The following SIRPG variants were observed in gnomAD, a reference collection of about 807,000 sequenced individuals.
SIRPG encodes signal-regulatory protein gamma.
A neutral mutation model predicts 35.7 loss-of-function variants in SIRPG; 38 were observed. The ratio of observed to expected loss-of-function variants is 1.06; its 90% confidence interval spans 0.82 to 1.40. The LOEUF (loss-of-function observed/expected upper bound fraction) is 1.40. Among genes scored for constraint, SIRPG ranks in the 40% most tolerant of loss-of-function variants. The pLI is 0.00. For synonymous variants in SIRPG, 215 were observed against 190.4 expected (o/e 1.13, Z -1.06); for missense variants, 519 against 483.0 (o/e 1.07, Z -0.70).
upstream of SIRPG, among the ~76,000 whole-genome samples, chr20:1,658,934 AC>A (rs1239262953): frequency 2.6e-5 from 4 of 152,080 alleles, no homozygotes; most frequent in Non-Finnish European, 4.4e-5. Flanking sequence ...TCCTTGTTCA[AC>A]CATAGATTAA....
At chr20:1,656,886 T>C (rs73082612) in intron 1 of SIRPG, among the ~76,000 whole-genome samples, 5,909 of 152,256 alleles carry the variant, frequency 0.039, 139 homozygotes, top group Middle Eastern at 0.058. Flanking sequence ...AATTTTTTTT[T>C]AATTTGAAAA....
Position 1,647,669 on chromosome 20 carries a change from A to C in SIRPG, c.430+1383T>G, listed in dbSNP as rs192795155. On this transcript the variant is annotated intron_variant, in intron 2 of 5. Coordinates refer to ENST00000303415, the MANE Select transcript of SIRPG (RefSeq NM_018556.4). ...ATACCCATCAACAGAATGCTGTGAAATAAATTTTGATATTTCCATAAATTG... is the reference window on the plus strand; with the variant it reads ...ATACCCATCAACAGAATGCTGTGAACTAAATTTTGATATTTCCATAAATTG... 30 of 152,352 alleles carry C rather than the reference A, an allele frequency of 2.0e-4. No homozygotes were observed. The East Asian group carries it at 5.4e-3, about 27-fold the overall frequency. The allele number at this position is 152,352 out of a possible 1,614,324, so 9.4% of individuals were successfully genotyped here. A position where few individuals can be genotyped will look rare whatever the true frequency, so the allele number is the denominator to read the frequency against.
At chr20:1,684,505 T>C in the SIRPG span, among the ~76,000 whole-genome samples, 5,361 of 152,256 alleles carry the variant, frequency 0.035, 319 homozygotes, top group African/African-American at 0.12. Context: ...AATAAAATTA[T>C]GAAACCTGTT....
chr20:1,652,293 T>C (rs1419859024), intron 1 of SIRPG, among the ~76,000 whole-genome samples: 1 of 152,248 alleles, frequency 6.6e-6, no homozygotes, highest in Non-Finnish European at 1.5e-5. Flanking sequence ...AACCACTGGT[T>C]GTCTCACAGG....
chr20:1,670,351 T>TCTG, the SIRPG span: 1 of 170,762 alleles, frequency 5.9e-6, no homozygotes, highest in Non-Finnish European at 1.4e-5. Flanking sequence ...AGGACAGAGC[T>TCTG]AGGCATGCAT....
At chr20:1,660,256 A>C (rs1396907025), upstream of SIRPG, among the ~76,000 whole-genome samples, 3 of 152,204 alleles carry the variant, frequency 2.0e-5, no homozygotes, top group African/African-American at 7.2e-5. Context: ...TGACTAGCTG[A>C]CTATACATAA....
chr20:1,673,579 G>A, the SIRPG span, among the ~76,000 whole-genome samples: 1 of 152,036 alleles, frequency 6.6e-6, no homozygotes, highest in African/African-American at 2.4e-5. Context: ...GAAACACCGA[G>A]AAAAGGCTCA....
chr20:1,630,526 G>T lies in SIRPG; in HGVS notation c.1082-220C>A, dbSNP rs1000549613. The stretch of plus-strand genomic sequence containing the variant: ...TCCCAGGTTGCCAGCTTATTCTCCT[G>T]GAGGGAAGAGGTGGAGGGGGTGTGT... On this transcript the variant is annotated intron_variant, in intron 4 of 5. Transcript: ENST00000303415. 7.7e-6 allele frequency: 4 copies of T among 519,200 alleles called. No individual in the cohort carries two copies. In the African/African-American group the frequency reaches 7.9e-5, roughly 10 times the overall value. 32.2% of individuals were successfully genotyped at this position (519,200 alleles called of 1,614,324 possible).
At position 1,656,368 on chromosome 20, in the gene SIRPG, G is replaced by A. The variant is rs117349776; in HGVS notation, c.73+1274C>T. Among the ~76,000 whole-genome samples, 9 of 152,352 alleles carry A rather than the reference G, an allele frequency of 5.9e-5. No homozygotes were observed. The East Asian group carries it at 1.4e-3, about 23-fold the overall frequency. ...GTTATAGCTTCCACACAGGGATGCTGTGAGGATTAGTTGACTTAATACACA... is the reference window on the plus strand; with the variant it reads ...GTTATAGCTTCCACACAGGGATGCTATGAGGATTAGTTGACTTAATACACA... On this transcript the variant is annotated intron_variant, in intron 1 of 5. Coordinates refer to ENST00000303415, the MANE Select transcript of SIRPG (RefSeq NM_018556.4).
At chr20:1,634,911 C>T (rs548983379) in intron 4 of SIRPG, among the ~76,000 whole-genome samples, 62 of 151,580 alleles carry the variant, frequency 4.1e-4, no homozygotes, top group Middle Eastern at 3.4e-3. Flanking sequence ...GGCGTGGTGG[C>T]GGGCGCCTGT....
At chr20:1,632,467 AGT>A (rs2091759170) in intron 4 of SIRPG, among the ~76,000 whole-genome samples, 1 of 152,198 alleles carries the variant, frequency 6.6e-6, no homozygotes, top group Non-Finnish European at 1.5e-5. Context: ...TTCCAGCCTT[AGT>A]ACCTGAGCAA....
At chr20:1,644,659 GTTGA>G (rs1023895154) in intron 2 of SIRPG, among the ~76,000 whole-genome samples, 1 of 152,236 alleles carries the variant, frequency 6.6e-6, no homozygotes, top group African/African-American at 2.4e-5. Flanking sequence ...CAGCTCTGCG[GTTGA>G]TTGAGACCCT....
intron 2 of SIRPG, among the ~76,000 whole-genome samples, chr20:1,644,742 C>T (rs1425263090): frequency 2.0e-5 from 3 of 152,210 alleles, no homozygotes; most frequent in African/African-American, 7.2e-5. Context: ...TGTGGAAAAG[C>T]ACTGTTTCAC....
At chr20:1,640,103 G>A (rs945159556) in intron 2 of SIRPG, among the ~76,000 whole-genome samples, 1 of 152,038 alleles carries the variant, frequency 6.6e-6, no homozygotes, top group African/African-American at 2.4e-5. Flanking sequence ...TGGCTATACG[G>A]GCTTTTTTTT....
At chr20:1,680,865 G>C in the SIRPG span, among the ~76,000 whole-genome samples, 19 of 152,078 alleles carry the variant, frequency 1.2e-4, 1 homozygote, top group Admixed American at 1.2e-3. Context: ...ACTATTCACT[G>C]TCTAATTTAC....
the SIRPG span, among the ~76,000 whole-genome samples, chr20:1,682,236 T>G: frequency 6.6e-6 from 1 of 152,206 alleles, no homozygotes; most frequent in African/African-American, 2.4e-5. Context: ...ATCTCTTTAA[T>G]GTGCATTTCA....
intron 2 of SIRPG, among the ~76,000 whole-genome samples, chr20:1,639,400 T>A (rs1012502482): frequency 6.6e-6 from 1 of 152,234 alleles, no homozygotes; most frequent in East Asian, 1.9e-4. Flanking sequence ...CATATGTTTG[T>A]TGGCCACATA....
chr20:1,668,208 TTTC>T, the SIRPG span, among the ~76,000 whole-genome samples: 391 of 36,280 alleles, frequency 0.011, 2 homozygotes, highest in African/African-American at 0.024. Context: ...CTTTTCTTTC[TTTC>T]TTTCTTTCTT....
intron 2 of SIRPG, among the ~76,000 whole-genome samples, chr20:1,642,708 C>T (rs374746887): frequency 5.9e-5 from 9 of 152,198 alleles, no homozygotes; most frequent in Admixed American, 2.6e-4. Context: ...TGGCTGGTAC[C>T]GGTTTTTCCT....
Sources: gnomAD v4.1 joint callset for allele counts (sites outside exome capture counted in the v4.1 genomes callset) on GRCh38, gnomAD v4.1.1 for gene constraint, MANE v1.5 for transcripts, NCBI Gene and HGNC (gene_info 2026-07-23, HGNC 2026-07-21) for gene names.